DOCK4: variants seen among roughly 807,000 people sequenced by gnomAD.
DOCK4 encodes the protein dedicator of cytokinesis 4.
A neutral mutation model predicts 268.1 loss-of-function variants in DOCK4; 97 were observed. That is an observed-to-expected ratio of 0.36 (90% confidence interval 0.31 to 0.43). DOCK4 has a LOEUF of 0.43. Among genes scored for constraint, DOCK4 ranks in the 20% least tolerant of loss-of-function variants. The pLI is 1.00. For synonymous variants in DOCK4, 954 were observed against 887.2 expected, an observed-to-expected ratio of 1.08 and a Z score of -1.34; for missense variants, 2,145 against 2,455.7, an observed-to-expected ratio of 0.87 and a Z score of 2.67.
At chr7:111,853,067 A>C (rs1804709301) in intron 23 of DOCK4, among the ~76,000 whole-genome samples, 1 of 152,114 alleles carries the variant, frequency 6.6e-6, no homozygotes. Context: ...TTTGGTCTAC[A>C]CTTGAGTGGA....
At chr7:112,119,778 C>T (rs1196709907) in intron 1 of DOCK4, among the ~76,000 whole-genome samples, 2 of 151,546 alleles carry the variant, frequency 1.3e-5, no homozygotes, top group Admixed American at 6.6e-5. Flanking sequence ...ATGCAGCTGC[C>T]GTAAGGATTA....
intron 31 of DOCK4, among the ~76,000 whole-genome samples, chr7:111,790,133 C>T (rs550387700): frequency 1.3e-5 from 2 of 152,228 alleles, no homozygotes; most frequent in Non-Finnish European, 2.9e-5. Context: ...TGAGTTTAAT[C>T]ATTAACTCTC....
intron 16 of DOCK4, among the ~76,000 whole-genome samples, chr7:111,894,888 AG>A: frequency 6.6e-6 from 1 of 152,298 alleles, no homozygotes; most frequent in South Asian, 2.1e-4. Context: ...TCTGGGCTAG[AG>A]GGAGACAAGA....
chr7:112,028,116 A>G (rs994537492), intron 1 of DOCK4, among the ~76,000 whole-genome samples: 5 of 152,244 alleles, frequency 3.3e-5, no homozygotes, highest in African/African-American at 1.2e-4. Flanking sequence ...CAAGCCATCT[A>G]GGGAGCAACT....
intron 1 of DOCK4, among the ~76,000 whole-genome samples, chr7:112,078,907 C>G (rs1442347575): frequency 6.6e-6 from 1 of 152,158 alleles, no homozygotes; most frequent in Non-Finnish European, 1.5e-5. Context: ...AGGTGGATCA[C>G]ATGAGGCCAG....
At position 112,200,726 on chromosome 7, in the gene DOCK4, A is replaced by AAAAAAT. The variant is rs1554478852; in HGVS notation, c.37+5375_37+5376insATTTTT. On this transcript the variant is annotated intron_variant, in intron 1 of 52. Coordinates refer to ENST00000428084, the MANE Select transcript of DOCK4 (RefSeq NM_001363540.2). ...TAGCTACCATAACAGCCTCTAAAAT[A>AAAAAAT]AAAAAAAAAAAACAAAAAAAAACAA... 4.3e-4 allele frequency among the ~76,000 whole-genome samples: 7 copies of AAAAAAT among 16,348 alleles called. No homozygotes were observed. In the South Asian group the frequency reaches 8.1e-3, roughly 19 times the overall value. The allele number at this position is 16,348 out of a possible 152,430, so 10.7% of individuals were successfully genotyped here.
chr7:111,803,445 G>C, intron 30 of DOCK4, among the ~76,000 whole-genome samples: 1 of 152,114 alleles, frequency 6.6e-6, no homozygotes. Flanking sequence ...GAAGTATTTA[G>C]GGCACCTGCT....
Position 111,957,629 on chromosome 7 carries a change from G to A in DOCK4, c.702-11831C>T, listed in dbSNP as rs544339431. Among the ~76,000 whole-genome samples, 361 of 152,146 alleles carry A rather than the reference G, an allele frequency of 2.4e-3. 1 individual carries two copies. The highest frequency in any genetic ancestry group is 4.5e-3 in the Non-Finnish European group (309 of 67,992). On this transcript the variant is annotated intron_variant, in intron 8 of 52. Transcript: ENST00000428084. ...ATAATTGCTTTGTTAATCTCGAATCGTCTTACAACATATTAATAAATGGCA... is the reference window on the plus strand; with the variant it reads ...ATAATTGCTTTGTTAATCTCGAATCATCTTACAACATATTAATAAATGGCA...
At chr7:111,833,541 C>CA (rs111895639) in intron 26 of DOCK4, among the ~76,000 whole-genome samples, 8,723 of 138,362 alleles carry the variant, frequency 0.063, 445 homozygotes, top group African/African-American at 0.15. Context: ...AACCCTGCCT[C>CA]AAAAAAAAAA....
At chr7:111,890,426 T>C (rs927777489) in intron 16 of DOCK4, among the ~76,000 whole-genome samples, 3 of 152,178 alleles carry the variant, frequency 2.0e-5, no homozygotes, top group Non-Finnish European at 4.4e-5. Flanking sequence ...CTGTCAGCCA[T>C]TTGGAGATAT....
chr7:112,015,730 T>C (rs1472546669), intron 1 of DOCK4, among the ~76,000 whole-genome samples: 1 of 152,242 alleles, frequency 6.6e-6, no homozygotes, highest in Non-Finnish European at 1.5e-5. Context: ...GTCCATTTTG[T>C]GCTGCTGTAA....
intron 1 of DOCK4, among the ~76,000 whole-genome samples, chr7:112,048,178 A>T (rs1158122500): frequency 2.0e-5 from 3 of 152,228 alleles, no homozygotes; most frequent in South Asian, 4.1e-4. Context: ...AATGAAGCAC[A>T]TGCATAAGAA....
At chr7:111,784,369 A>G (rs1799017783) in intron 32 of DOCK4, 1 of 674,336 alleles carries the variant, frequency 1.5e-6, no homozygotes, top group East Asian at 2.8e-5. Context: ...TATTCACATA[A>G]AAATATTTTC....
chr7:111,894,740 A>T (rs534889927), intron 16 of DOCK4, among the ~76,000 whole-genome samples: 20 of 152,280 alleles, frequency 1.3e-4, no homozygotes, highest in African/African-American at 3.9e-4. Flanking sequence ...AGTGGTGAGG[A>T]GTGAGGCAGT....
chr7:111,903,298 A>G (rs1056683846), intron 13 of DOCK4, among the ~76,000 whole-genome samples: 1 of 152,176 alleles, frequency 6.6e-6, no homozygotes, highest in Non-Finnish European at 1.5e-5. Context: ...TTCTAAAAAG[A>G]ATTACATCTT....
intron 15 of DOCK4, among the ~76,000 whole-genome samples, chr7:111,896,927 G>A (rs1050882847): frequency 6.6e-6 from 1 of 152,082 alleles, no homozygotes; most frequent in Non-Finnish European, 1.5e-5. Flanking sequence ...AATAATTCAT[G>A]TTTTTTAAAA....
At chr7:112,120,679 A>G (rs1812651905) in intron 1 of DOCK4, among the ~76,000 whole-genome samples, 1 of 152,222 alleles carries the variant, frequency 6.6e-6, no homozygotes, top group African/African-American at 2.4e-5. Context: ...CTGTTTATGA[A>G]TTTAGGTTGA....
At chr7:111,896,359 T>C (rs923444092) in intron 15 of DOCK4, among the ~76,000 whole-genome samples, 5 of 152,180 alleles carry the variant, frequency 3.3e-5, no homozygotes, top group Admixed American at 6.5e-5. Flanking sequence ...GATGCCTAAT[T>C]AAGAATTACA....
chr7:111,777,574 G>A (rs561608463), intron 36 of DOCK4, among the ~76,000 whole-genome samples: 29 of 152,248 alleles, frequency 1.9e-4, no homozygotes, highest in African/African-American at 7.0e-4. Context: ...ACATACAGTG[G>A]GGAGGATAAT....
Sources: gnomAD v4.1 joint callset for allele counts (sites outside exome capture counted in the v4.1 genomes callset) on GRCh38, gnomAD v4.1.1 for gene constraint, MANE v1.5 for transcripts, NCBI Gene and HGNC (gene_info 2026-07-23, HGNC 2026-07-21) for gene names.